PTPRM: variants seen among roughly 807,000 people sequenced by gnomAD.
The protein encoded by PTPRM is protein tyrosine phosphatase receptor type M, also known as receptor-type tyrosine-protein phosphatase mu.
A neutral mutation model predicts 186.7 loss-of-function variants in PTPRM; 47 were observed. The ratio of observed to expected loss-of-function variants is 0.25; its 90% confidence interval spans 0.20 to 0.32. The LOEUF is 0.32. PTPRM is among the 10% of genes least tolerant of loss of function. The pLI is 1.00. For synonymous variants in PTPRM, 668 were observed against 674.9 expected (o/e 0.99, Z 0.16); for missense variants, 1,494 against 1,865.0 (o/e 0.80, Z 3.66).
chr18:8,194,699 C>T (rs953161723), intron 14 of PTPRM, among the ~76,000 whole-genome samples: 1 of 152,252 alleles, frequency 6.6e-6, no homozygotes, highest in Admixed American at 6.5e-5. Context: ...ATTCATCCAA[C>T]ATATCCTGTC....
chr18:8,279,004 C>A (rs1288788042), intron 19 of PTPRM, among the ~76,000 whole-genome samples: 1 of 152,000 alleles, frequency 6.6e-6, no homozygotes, highest in Non-Finnish European at 1.5e-5. Context: ...GTGCAGCACA[C>A]CAACATGGCA....
intron 2 of PTPRM, among the ~76,000 whole-genome samples, chr18:7,795,640 C>G (rs537228762): frequency 6.6e-6 from 1 of 152,072 alleles, no homozygotes; most frequent in African/African-American, 2.4e-5. Context: ...TATTCATCTT[C>G]TGCCTTCCTA....
intron 1 of PTPRM, among the ~76,000 whole-genome samples, chr18:7,602,428 A>ATT (rs34285707): frequency 1.1e-4 from 15 of 142,592 alleles, no homozygotes; most frequent in South Asian, 2.2e-4. Flanking sequence ...GATTGTGGCA[A>ATT]TTTTTTTTTT....
chr18:8,009,522 A>ATGTGGCCTTGACCCCACAT (rs2084389009), intron 7 of PTPRM, among the ~76,000 whole-genome samples: 1 of 152,082 alleles, frequency 6.6e-6, no homozygotes, highest in Admixed American at 6.6e-5. Flanking sequence ...AGCCTGACCA[A>ATGTGGCCTTGACCCCACAT]TGTGGTGAGA....
chr18:7,996,781 G>A (rs187900203), intron 7 of PTPRM, among the ~76,000 whole-genome samples: 11 of 144,356 alleles, frequency 7.6e-5, no homozygotes, highest in South Asian at 2.2e-4. Context: ...GAAAGCTATC[G>A]CATTTACAGT....
chr18:8,251,420 G>T (rs1378117321), intron 17 of PTPRM, among the ~76,000 whole-genome samples: 2 of 152,208 alleles, frequency 1.3e-5, no homozygotes, highest in African/African-American at 4.8e-5. Context: ...CGGTACTTCA[G>T]CAGGGTTCCT....
intron 2 of PTPRM, among the ~76,000 whole-genome samples, chr18:7,856,671 G>T (rs1439717605): frequency 2.0e-5 from 3 of 151,516 alleles, no homozygotes; most frequent in African/African-American, 7.3e-5. Flanking sequence ...TTGAGCCCAG[G>T]AGGTCTAGGC....
chr18:8,209,192 C>T (rs1041387528), intron 14 of PTPRM, among the ~76,000 whole-genome samples: 1 of 152,132 alleles, frequency 6.6e-6, no homozygotes, highest in Non-Finnish European at 1.5e-5. Flanking sequence ...TTTTGGAGGA[C>T]TAAGTGTGGC....
intron 14 of PTPRM, among the ~76,000 whole-genome samples, chr18:8,214,014 A>C (rs2094043502): frequency 6.6e-6 from 1 of 152,218 alleles, no homozygotes; most frequent in South Asian, 2.1e-4. Context: ...CAGGAATGGA[A>C]AACCAAATAC....
chr18:8,176,806 C>G (rs771557091), intron 14 of PTPRM, among the ~76,000 whole-genome samples: 1 of 152,168 alleles, frequency 6.6e-6, no homozygotes, highest in Non-Finnish European at 1.5e-5. Context: ...AAGTCAACCT[C>G]GGCAATAATA....
At chr18:8,031,493 A>G (rs369028216) in intron 7 of PTPRM, among the ~76,000 whole-genome samples, 1 of 152,218 alleles carries the variant, frequency 6.6e-6, no homozygotes, top group East Asian at 1.9e-4. Flanking sequence ...GCCAGAAACA[A>G]AGCAGTCTGG....
intron 7 of PTPRM, among the ~76,000 whole-genome samples, chr18:8,024,746 T>C (rs2147999768): frequency 6.7e-6 from 1 of 149,524 alleles, no homozygotes; most frequent in East Asian, 2.0e-4. Context: ...TACAATGGCA[T>C]GATCTTGGCT....
intron 1 of PTPRM, among the ~76,000 whole-genome samples, chr18:7,690,705 G>A (rs967568171): frequency 6.6e-6 from 1 of 152,162 alleles, no homozygotes; most frequent in African/African-American, 2.4e-5. Context: ...AAGAATGTCT[G>A]CAAGTGATAT....
At chr18:8,156,180 T>C (rs753175750) in intron 14 of PTPRM, among the ~76,000 whole-genome samples, 9 of 152,228 alleles carry the variant, frequency 5.9e-5, no homozygotes, top group Non-Finnish European at 7.3e-5. Flanking sequence ...AGCTGGACTT[T>C]ATATGATTAC....
intron 7 of PTPRM, among the ~76,000 whole-genome samples, chr18:8,029,346 C>T (rs963701829): frequency 4.6e-5 from 7 of 151,006 alleles, no homozygotes. Context: ...GCACCCCTCC[C>T]CCACACCTGT....
chr18:7,869,327 C>G (rs8099524), intron 2 of PTPRM, among the ~76,000 whole-genome samples: 1,546 of 152,302 alleles, frequency 0.01, 29 homozygotes, highest in African/African-American at 0.035. Flanking sequence ...CCTGGTGGCA[C>G]AGGCACCGGG....
intron 7 of PTPRM, among the ~76,000 whole-genome samples, chr18:7,956,360 C>G (rs1298667809): frequency 6.6e-6 from 1 of 152,094 alleles, no homozygotes; most frequent in Non-Finnish European, 1.5e-5. Flanking sequence ...AAACCTTAAC[C>G]ATTGTAGCTG....
chr18:8,322,007 A>G (rs2095348743), intron 22 of PTPRM, among the ~76,000 whole-genome samples: 1 of 152,180 alleles, frequency 6.6e-6, no homozygotes, highest in Non-Finnish European at 1.5e-5. Context: ...CAAAACATTA[A>G]TACCTCCAAG....
At chr18:7,748,121 C>T (rs2041040775) in intron 1 of PTPRM, among the ~76,000 whole-genome samples, 1 of 152,110 alleles carries the variant, frequency 6.6e-6, no homozygotes, top group South Asian at 2.1e-4. Context: ...TAGGTGTGGC[C>T]AGGTGTGGGC....
Sources: allele counts gnomAD v4.1 joint callset (sites outside exome capture counted in the v4.1 genomes callset), GRCh38; gene constraint gnomAD v4.1.1; transcripts MANE v1.5; gene names NCBI Gene and HGNC (gene_info 2026-07-23, HGNC 2026-07-21).